Variants in ZNF493 observed in about 807,000 individuals in gnomAD.
ZNF493 encodes the protein zinc finger protein 493.
ZNF493 carries 11 observed loss-of-function variants against 12.2 expected under a neutral mutation model. The observed-to-expected ratio is 0.90, with a 90% confidence interval of 0.57 to 1.50. The LOEUF is 1.50. Among genes scored for constraint, ZNF493 ranks in the 40% most tolerant of loss-of-function variants. ZNF493 has a pLI of 0.00. For synonymous variants in ZNF493, 286 were observed against 302.6 expected, an observed-to-expected ratio of 0.95 and a Z score of 0.57; for missense variants, 950 against 906.6, an observed-to-expected ratio of 1.05 and a Z score of -0.61.
intron 1 of ZNF493, among the ~76,000 whole-genome samples, chr19:21,402,505 G>A (rs7249229): frequency 0.02 from 2,999 of 152,124 alleles, 61 homozygotes; most frequent in African/African-American, 0.039. Flanking sequence ...TCCTTTGATT[G>A]TACTCTGCTT....
chr19:21,411,359 A>G (rs553243896), intron 3 of ZNF493, among the ~76,000 whole-genome samples: 56 of 152,196 alleles, frequency 3.7e-4, no homozygotes, highest in Non-Finnish European at 7.2e-4. Context: ...TTGAAATCAG[A>G]AAGTATAATG....
rs770134573 is a variant in ZNF493 at position 21,405,732 on chromosome 19, A to T, written c.158-29A>T. On this transcript the variant is annotated intron_variant, in intron 2 of 3. Transcript: ENST00000392288. ...TAGGTAATTAGAGAATATGAGCAAG[A>T]TTCATGTTATTTATTTTTAATAAAG... The T allele has an allele frequency of 1.0e-5, 16 of 1,574,714 alleles. No individual in the cohort carries two copies. In the South Asian group the frequency reaches 1.8e-4, roughly 18 times the overall value.
At chr19:21,410,842 G>A (rs1252982937) in intron 3 of ZNF493, among the ~76,000 whole-genome samples, 1 of 151,932 alleles carries the variant, frequency 6.6e-6, no homozygotes, top group African/African-American at 2.4e-5. Flanking sequence ...GCCTAGGCTG[G>A]AGTGCAATGG....
rs1305249963 is a variant in ZNF493 at position 21,424,745 on chromosome 19, C to T, written c.2086C>T (p.Arg696Ter). 1.8e-5 allele frequency: 29 copies of T among 1,612,718 alleles called. No individual in the cohort carries two copies. Among genetic ancestry groups the T allele is most frequent in the Middle Eastern group, 1.7e-4 (1 of 6,036 alleles). ...KCEKCGKTFY[R>*]FSNLNTHKII... Reference sequence around the variant, plus strand: ...TGAAAAATGTGGCAAAACTTTCTACCGATTCTCAAACCTTAATACGCATAA... The same window carrying T: ...TGAAAAATGTGGCAAAACTTTCTACTGATTCTCAAACCTTAATACGCATAA... Residue 696 changes from arginine (R) to a stop codon, truncating the protein, a stop_gained, in exon 4 of 4, where the codon CGA becomes TGA. Transcript: ENST00000392288. LOFTEE classifies it low-confidence loss of function (END_TRUNC).
At chr19:21,418,101 C>G (rs1253951043) in intron 3 of ZNF493, among the ~76,000 whole-genome samples, 1 of 152,142 alleles carries the variant, frequency 6.6e-6, no homozygotes, top group African/African-American at 2.4e-5. Context: ...AGCAGTTGCT[C>G]GAGGCACTGC....
intron 3 of ZNF493, among the ~76,000 whole-genome samples, chr19:21,420,167 A>C (rs1353982257): frequency 6.6e-6 from 1 of 152,118 alleles, no homozygotes; most frequent in Non-Finnish European, 1.5e-5. Flanking sequence ...CCTGATTATA[A>C]TCTCTTCTGC....
rs1320126049 is a variant in ZNF493 at position 21,426,676 on chromosome 19, TTTCAA to T, written c.*1693_*1697del. 6.0e-6 allele frequency: 1 copy of T among 166,794 alleles called. No homozygotes were observed. The highest frequency in any genetic ancestry group is 2.4e-5 in the African/African-American group (1 of 41,432). 10.3% of individuals were successfully genotyped at this position (166,794 alleles called of 1,614,324 possible). On this transcript the variant is annotated 3_prime_UTR_variant, in exon 4 of 4. Coordinates refer to ENST00000392288, the MANE Select transcript of ZNF493 (RefSeq NM_001076678.3). ...ATGTAATAAATTTGGGAAAACAAATTTTCAAAAACTACAGCTTAGAAAACACCAGA... is the reference window on the plus strand; with the variant it reads ...ATGTAATAAATTTGGGAAAACAAATTAAACTACAGCTTAGAAAACACCAGA...
At position 21,424,630 on chromosome 19, in the gene ZNF493, C is replaced by A. The variant is rs2030800568; in HGVS notation, c.1971C>A (p.Tyr657Ter). 6.2e-7 allele frequency: 1 copy of A among 1,613,588 alleles called. No homozygotes were observed. Among genetic ancestry groups the A allele is most frequent in the Non-Finnish European group, 8.5e-7 (1 of 1,179,834 alleles). Residue 657 changes from tyrosine (Y) to a stop codon, truncating the protein, a stop_gained, in exon 4 of 4, where the codon TAC (tyrosine) becomes TAA (stop). Coordinates refer to ENST00000392288, the MANE Select transcript of ZNF493 (RefSeq NM_001076678.3). LOFTEE classifies it low-confidence loss of function (END_TRUNC). ...HKQIHSVQKP[Y>*]KCEECGKAFS... ...AAATTCATAGTGTACAAAAACCCTA[C>A]AAATGTGAAGAATGTGGCAAAGCCT...
chr19:21,408,835 C>T (rs962532730), intron 3 of ZNF493: 105 of 975,924 alleles, frequency 1.1e-4, no homozygotes, highest in Non-Finnish European at 1.2e-4. Flanking sequence ...TAAATATGAC[C>T]CCAATATTGG....
At chr19:21,420,940 G>A (rs1030268623) in intron 3 of ZNF493, among the ~76,000 whole-genome samples, 1 of 151,402 alleles carries the variant, frequency 6.6e-6, no homozygotes, top group African/African-American at 2.4e-5. Context: ...GTAGAGATGG[G>A]TTCCCCCATG....
At chr19:21,406,346 G>GTT (rs201891794) in intron 3 of ZNF493, among the ~76,000 whole-genome samples, 3 of 147,938 alleles carry the variant, frequency 2.0e-5, no homozygotes, top group African/African-American at 7.4e-5. Context: ...GCATTTTTTT[G>GTT]TTTTTTTTTT....
Position 21,424,235 on chromosome 19 carries a change from T to C in ZNF493, c.1576T>C (p.Phe526Leu), listed in dbSNP as rs763300723. The change falls in exon 4 of 4, where the codon TTT (phenylalanine) becomes CTT (leucine). Residue 526 changes from phenylalanine to leucine, a missense_variant. Phe to Leu is a conservative substitution (Grantham distance 22). Transcript: ENST00000392288. ...PYKCEECGKA[F>L]KRSSTLTIHK... ...CAAATGTGAAGAATGTGGCAAAGCT[T>C]TTAAACGATCTTCAACCCTTACTAT... is the stretch of plus-strand genomic sequence containing the variant. 5.6e-6 allele frequency: 9 copies of C among 1,612,366 alleles called. No individual in the cohort carries two copies. In the Admixed American group the frequency reaches 1.3e-4, roughly 24 times the overall value.
At chr19:21,422,782 G>T in intron 3 of ZNF493, 131 bp from the exon 4 acceptor site, 1 of 770,330 alleles carries the variant, frequency 1.3e-6, no homozygotes, top group Non-Finnish European at 1.9e-6. Flanking sequence ...TACATATAAA[G>T]AATTAGAGCC....
chr19:21,420,655 T>TTTTTTCC lies in ZNF493; in HGVS notation c.254-2258_254-2257insTTTTTCC, dbSNP rs766934918. On this transcript the variant is annotated intron_variant, in intron 3 of 3. Coordinates refer to ENST00000392288, the MANE Select transcript of ZNF493 (RefSeq NM_001076678.3). The stretch of plus-strand genomic sequence containing the variant: ...TTTTTTTTTTTTTTTTTTTTTTTTT[T>TTTTTTCC]CAGAACTTTGACTATATCACACAAT... 6.4e-5 allele frequency among the ~76,000 whole-genome samples: 3 copies of TTTTTTCC among 46,516 alleles called. 1 individual carries two copies. Among genetic ancestry groups the TTTTTTCC allele is most frequent in the African/African-American group, 9.4e-5 (1 of 10,614 alleles). The allele number at this position is 46,516 out of a possible 152,430, so 30.5% of individuals were successfully genotyped here.
intron 3 of ZNF493, among the ~76,000 whole-genome samples, chr19:21,420,683 C>G (rs2030650136): frequency 9.3e-6 from 1 of 107,220 alleles, no homozygotes; most frequent in Non-Finnish European, 1.7e-5. Flanking sequence ...CACACAATAT[C>G]CTTCTGGCCT....
At chr19:21,407,249 T>A (rs1040797776) in intron 3 of ZNF493, among the ~76,000 whole-genome samples, 11 of 152,208 alleles carry the variant, frequency 7.2e-5, no homozygotes, top group African/African-American at 2.6e-4. Flanking sequence ...CTCAGGAGGC[T>A]GAACCAGGGG....
intron 3 of ZNF493, among the ~76,000 whole-genome samples, chr19:21,418,821 T>G (rs954178525): frequency 2.6e-5 from 4 of 152,238 alleles, no homozygotes; most frequent in African/African-American, 7.2e-5. Flanking sequence ...ATGCTTTTTT[T>G]TGTGGTTTAA....
At chr19:21,414,838 C>A (rs1213565099) in intron 3 of ZNF493, among the ~76,000 whole-genome samples, 1 of 152,122 alleles carries the variant, frequency 6.6e-6, no homozygotes, top group Admixed American at 6.6e-5. Flanking sequence ...AATTGGTTTA[C>A]ATTTAGTTAT....
intron 3 of ZNF493, among the ~76,000 whole-genome samples, chr19:21,417,607 G>C (rs2030532149): frequency 6.6e-6 from 1 of 152,150 alleles, no homozygotes; most frequent in Admixed American, 6.5e-5. Flanking sequence ...TCCACATGAA[G>C]TGGTCTTTTC....
Sources: allele counts gnomAD v4.1 joint callset (sites outside exome capture counted in the v4.1 genomes callset), GRCh38; gene constraint gnomAD v4.1.1; transcripts MANE v1.5; gene names NCBI Gene and HGNC (gene_info 2026-07-23, HGNC 2026-07-21).